PHYKPL: variants seen among roughly 807,000 people sequenced by gnomAD.
PHYKPL encodes the protein 5-phosphohydroxy-L-lysine phospho-lyase.
In PHYKPL, 42 loss-of-function variants were observed where a neutral mutation model predicts 51.3. The observed-to-expected ratio is 0.82, with a 90% CI of 0.64 to 1.06. The LOEUF (loss-of-function observed/expected upper bound fraction) is 1.06, where lower values mean the gene tolerates loss of function less well. Among genes scored for constraint, PHYKPL ranks in the 50% least tolerant of loss-of-function variants. The pLI, the probability that PHYKPL is intolerant of heterozygous loss-of-function variation, is 0.00. For missense variants in PHYKPL, 655 were observed against 586.6 expected (o/e 1.12, Z -1.20); for synonymous variants, 264 against 236.0 (o/e 1.12, Z -1.09).
At chr5:178,220,729 A>AG (rs1274654817) in intron 8 of PHYKPL, among the ~76,000 whole-genome samples, 1 of 68,968 alleles carries the variant, frequency 1.4e-5, no homozygotes, top group African/African-American at 8.8e-5. Context: ...TGCAAAAAAA[A>AG]AAAAAAAACA....
intron 1 of PHYKPL, chr5:178,232,212 C>A: frequency 8.0e-7 from 1 of 1,253,796 alleles, no homozygotes; most frequent in Non-Finnish European, 1.0e-6. Flanking sequence ...CTGACACAGC[C>A]GAACAGCGGT....
downstream of PHYKPL, among the ~76,000 whole-genome samples, chr5:178,208,307 G>A (rs1757198057): frequency 6.6e-6 from 1 of 152,148 alleles, no homozygotes; most frequent in South Asian, 2.1e-4. Context: ...GAGTGGATTA[G>A]GATAGTCTTA....
chr5:178,216,061 C>T (rs1759715277), intron 8 of PHYKPL: 1 of 152,184 alleles, frequency 6.6e-6, no homozygotes, highest in African/African-American at 2.4e-5. Flanking sequence ...GTATAAAGTT[C>T]AACGTGAGGT....
In PHYKPL at chr5:178,209,238, C is replaced by G. The variant is rs985202246; in HGVS notation, c.*32-323G>C. On this transcript the variant is annotated intron_variant, in intron 12 of 12. Coordinates refer to ENST00000308158, the MANE Select transcript of PHYKPL (RefSeq NM_153373.4). ...TGTTTCTCAGCAAATGGACCTGATC[C>G]ACCATTTGATGTTTGTCGCAGTGAA... 7.1e-6 allele frequency: 7 copies of G among 991,180 alleles called. No homozygotes were observed. In the African/African-American group the frequency reaches 9.5e-5, roughly 14 times the overall value. The allele number at this position is 991,180 out of a possible 1,614,324, so 61.4% of individuals were successfully genotyped here.
In PHYKPL at chr5:178,211,786, C is replaced by CA. The variant is rs567621837; in HGVS notation, c.*31+103dup. 1.5e-3 allele frequency: 1,101 copies of CA among 741,034 alleles called. 3 individuals carry two copies. The highest frequency in any genetic ancestry group is 9.7e-3 in the African/African-American group (545 of 56,376). 45.9% of individuals were successfully genotyped at this position (741,034 alleles called of 1,614,324 possible). On this transcript the variant is annotated intron_variant, in intron 12 of 12. Transcript: ENST00000308158. ...CTTTGGGAAGGAGCATCAGTCAGAA[C>CA]AAAAAAAAGTCTTAAAAAAAGGCTC...
At chr5:178,210,400 G>C (rs747833974) in intron 12 of PHYKPL, 26 of 1,558,566 alleles carry the variant, frequency 1.7e-5, no homozygotes, top group Non-Finnish European at 2.3e-5. Flanking sequence ...GGAGCTACTT[G>C]ATTTTGAGCC....
At chr5:178,214,441 T>C (rs919259) in intron 10 of PHYKPL, among the ~76,000 whole-genome samples, 1,844 of 152,136 alleles carry the variant, frequency 0.012, 39 homozygotes, top group African/African-American at 0.042. Flanking sequence ...AGAGAAGGTG[T>C]TTCCCTTCTC....
intron 8 of PHYKPL, among the ~76,000 whole-genome samples, chr5:178,220,982 A>G (rs879825530): frequency 5.3e-5 from 8 of 152,208 alleles, no homozygotes; most frequent in Non-Finnish European, 1.2e-4. Flanking sequence ...TACCATGGTT[A>G]TTCAGAGTGA....
chr5:178,232,107 GCCAGGC>G (rs1171593440), intron 1 of PHYKPL: 2 of 1,193,238 alleles, frequency 1.7e-6, no homozygotes, highest in Admixed American at 7.4e-5. Context: ...TCACTCTCGA[GCCAGGC>G]CCAGGTGCTG....
chr5:178,213,726 CTTG>C (rs1342301480), intron 10 of PHYKPL, among the ~76,000 whole-genome samples: 2 of 152,106 alleles, frequency 1.3e-5, no homozygotes, highest in Non-Finnish European at 1.5e-5. Context: ...TTTTGTAAAC[CTTG>C]TTATTTTTAT....
Position 178,211,819 on chromosome 5 carries a change from C to T in PHYKPL, c.*31+71G>A, listed in dbSNP as rs115209054. ...AGTCTTAAAAAAAGGCTCAGCTTGCCGAGGCTGCTTGCTGCTGATGGTAAG... is the reference window on the plus strand; with the variant it reads ...AGTCTTAAAAAAAGGCTCAGCTTGCTGAGGCTGCTTGCTGCTGATGGTAAG... On this transcript the variant is annotated intron_variant, in intron 12 of 12. Coordinates refer to ENST00000308158, the MANE Select transcript of PHYKPL (RefSeq NM_153373.4). 2,096 of 1,120,832 alleles carry T rather than the reference C, an allele frequency of 1.9e-3. 25 individuals carry two copies. In the African/African-American group the frequency reaches 0.029, roughly 16 times the overall value. 69.4% of individuals were successfully genotyped at this position (1,120,832 alleles called of 1,614,324 possible).
At chr5:178,227,085 G>A (rs529185076) in intron 3 of PHYKPL, among the ~76,000 whole-genome samples, 1 of 151,848 alleles carries the variant, frequency 6.6e-6, no homozygotes, top group East Asian at 1.9e-4. Flanking sequence ...CCCAATTTAT[G>A]TGTTGAACCC....
intron 11 of PHYKPL, among the ~76,000 whole-genome samples, chr5:178,212,557 C>T (rs922539817): frequency 5.9e-5 from 9 of 152,228 alleles, no homozygotes; most frequent in Non-Finnish European, 8.8e-5. Flanking sequence ...CTCAGTGGTA[C>T]CAATCTTTCA....
chr5:178,213,709 C>T (rs573250415), intron 10 of PHYKPL, among the ~76,000 whole-genome samples: 1 of 152,144 alleles, frequency 6.6e-6, no homozygotes, highest in Non-Finnish European at 1.5e-5. Context: ...GATCATTGTT[C>T]CCCTTCTTTT....
At chr5:178,210,442 G>A in intron 12 of PHYKPL, 7 of 1,505,426 alleles carry the variant, frequency 4.6e-6, no homozygotes, top group Non-Finnish European at 6.4e-6. Flanking sequence ...ACATGAGGAA[G>A]GCAGTCTCTG....
intron 8 of PHYKPL, chr5:178,216,056 A>T (rs1759714098): frequency 6.6e-6 from 1 of 152,208 alleles, no homozygotes; most frequent in Non-Finnish European, 1.5e-5. Context: ...TTAAAGTATA[A>T]AGTTCAACGT....
chr5:178,215,550 C>T, intron 8 of PHYKPL, 120 bp from the exon 9 acceptor site: 1 of 1,250,774 alleles, frequency 8.0e-7, no homozygotes, highest in Non-Finnish European at 1.1e-6. Flanking sequence ...GCAGAGGCCC[C>T]AAACCCCTTA....
intron 9 of PHYKPL, 90 bp downstream of exon 9, chr5:178,215,186 C>G (rs750227508): frequency 2.8e-5 from 44 of 1,585,672 alleles, no homozygotes; most frequent in Non-Finnish European, 3.6e-5. Flanking sequence ...CGGACATAAC[C>G]CCACCATCCC....
At chr5:178,223,724 A>C in intron 6 of PHYKPL, 2 of 330,988 alleles carry the variant, frequency 6.0e-6, no homozygotes, top group East Asian at 8.6e-5. Context: ...TGGCTCTGTC[A>C]CTCCTTCAGT....
Sources: gnomAD v4.1 joint callset for allele counts (sites outside exome capture counted in the v4.1 genomes callset) on GRCh38, gnomAD v4.1.1 for gene constraint, MANE v1.5 for transcripts, NCBI Gene and HGNC (gene_info 2026-07-23, HGNC 2026-07-21) for gene names.